Variants in KAZN observed in about 807,000 individuals in gnomAD.
KAZN encodes the protein kazrin, periplakin interacting protein.
In KAZN, 40 loss-of-function variants were observed where a neutral mutation model predicts 87.4. The ratio of observed to expected loss-of-function variants is 0.46; its 90% confidence interval spans 0.36 to 0.60. KAZN has a LOEUF of 0.60. KAZN is among the 20% of genes least tolerant of loss of function. The pLI is 0.00. For missense variants in KAZN, 898 were observed against 1,073.9 expected (o/e 0.84, Z 2.29); for synonymous variants, 466 against 458.3 (o/e 1.02, Z -0.22).
chr1:14,534,988 G>A (rs901947934), intron 2 of KAZN, among the ~76,000 whole-genome samples: 1 of 151,864 alleles, frequency 6.6e-6, no homozygotes, highest in Admixed American at 6.6e-5. Context: ...AACCCTACTC[G>A]TCAAACTAGA....
intron 1 of KAZN, among the ~76,000 whole-genome samples, chr1:14,169,419 G>A (rs1162269164): frequency 2.6e-5 from 4 of 152,092 alleles, no homozygotes; most frequent in Non-Finnish European, 4.4e-5. Flanking sequence ...CATGTTATAT[G>A]TCCAGCCGAT....
chr1:14,097,302 T>A (rs536763533), intron 1 of KAZN, among the ~76,000 whole-genome samples: 2 of 152,316 alleles, frequency 1.3e-5, no homozygotes, highest in South Asian at 4.1e-4. Flanking sequence ...ATTGCAATAG[T>A]CCAGGTGAGA....
At chr1:14,362,221 G>A (rs1007347538) in intron 2 of KAZN, among the ~76,000 whole-genome samples, 1 of 152,158 alleles carries the variant, frequency 6.6e-6, no homozygotes, top group East Asian at 1.9e-4. Context: ...ATTGGGAAAG[G>A]ACTCACTTCT....
chr1:14,261,988 GA>G (rs1263632942), intron 2 of KAZN, among the ~76,000 whole-genome samples: 1 of 152,178 alleles, frequency 6.6e-6, no homozygotes, highest in Non-Finnish European at 1.5e-5. Flanking sequence ...GGGACACATA[GA>G]AGAACCCTGA....
At chr1:14,961,346 G>A (rs552992020) in intron 2 of KAZN, among the ~76,000 whole-genome samples, 15 of 152,302 alleles carry the variant, frequency 9.8e-5, no homozygotes, top group African/African-American at 3.4e-4. Context: ...AAGATGACAT[G>A]GTGTAGTGTC....
At chr1:14,390,887 C>A (rs146966808) in intron 2 of KAZN, 1 of 152,700 alleles carries the variant, frequency 6.5e-6, no homozygotes, top group African/African-American at 2.4e-5. Context: ...CCTGCCACCA[C>A]CATGTTGCCA....
At chr1:14,242,882 TACA>T (rs1649106211) in intron 2 of KAZN, among the ~76,000 whole-genome samples, 1 of 152,004 alleles carries the variant, frequency 6.6e-6, no homozygotes, top group South Asian at 2.1e-4. Flanking sequence ...TCAAAACGAA[TACA>T]ACAAAAACCA....
intron 1 of KAZN, among the ~76,000 whole-genome samples, chr1:14,892,502 A>G (rs1343326945): frequency 1.4e-5 from 2 of 146,846 alleles, no homozygotes; most frequent in East Asian, 4.1e-4. Flanking sequence ...AGACACCACC[A>G]TGGAGCTTCT....
Position 15,076,405 on chromosome 1 carries a change from A to G in KAZN, c.1222+10652A>G, listed in dbSNP as rs576002277. On this transcript the variant is annotated intron_variant, in intron 8 of 14. Coordinates refer to ENST00000376030, the MANE Select transcript of KAZN (RefSeq NM_201628.3). ...CTTCGGAGCTAGATCCTGAGGCTCAATCCCAGCATCGGCACATGCCAGCTG... is the reference window on the plus strand; with the variant it reads ...CTTCGGAGCTAGATCCTGAGGCTCAGTCCCAGCATCGGCACATGCCAGCTG... Among the ~76,000 whole-genome samples, 14 of 152,362 alleles carry G rather than the reference A, an allele frequency of 9.2e-5. No homozygotes were observed. The South Asian group carries it at 2.9e-3, about 32-fold the overall frequency.
At chr1:14,035,833 G>C (rs1641532328) in intron 1 of KAZN, among the ~76,000 whole-genome samples, 1 of 151,956 alleles carries the variant, frequency 6.6e-6, no homozygotes, top group Non-Finnish European at 1.5e-5. Flanking sequence ...CCCTCAACTA[G>C]AGTTTCTGGT....
chr1:14,780,446 T>G (rs901759790), intron 1 of KAZN, among the ~76,000 whole-genome samples: 3 of 152,148 alleles, frequency 2.0e-5, no homozygotes, highest in African/African-American at 7.2e-5. Context: ...ATCTGTTGAG[T>G]GAATGGATGA....
chr1:13,932,721 C>T (rs1434492634), intron 1 of KAZN, among the ~76,000 whole-genome samples: 1 of 152,188 alleles, frequency 6.6e-6, no homozygotes, highest in Non-Finnish European at 1.5e-5. Flanking sequence ...GGCAGTCTGG[C>T]TTGGGCCGGA....
At chr1:14,161,501 T>A (rs1645709204) in intron 1 of KAZN, among the ~76,000 whole-genome samples, 1 of 152,238 alleles carries the variant, frequency 6.6e-6, no homozygotes, top group African/African-American at 2.4e-5. Context: ...GTTGCCGAAG[T>A]CTTCACAACT....
chr1:14,860,281 T>C (rs1650685847), intron 1 of KAZN, among the ~76,000 whole-genome samples: 1 of 151,910 alleles, frequency 6.6e-6, no homozygotes, highest in East Asian at 1.9e-4. Context: ...AACCTCCACC[T>C]CCCAGGTTCA....
intron 2 of KAZN, among the ~76,000 whole-genome samples, chr1:14,459,985 A>C (rs1667775171): frequency 6.6e-6 from 1 of 152,172 alleles, no homozygotes. Flanking sequence ...AGCTTTAGGC[A>C]GGTGATACCG....
At chr1:14,230,766 T>C (rs1213310029) in intron 2 of KAZN, among the ~76,000 whole-genome samples, 1 of 152,180 alleles carries the variant, frequency 6.6e-6, no homozygotes, top group African/African-American at 2.4e-5. Context: ...GCCATATTTT[T>C]TCAGTAAGAA....
chr1:14,947,551 T>G (rs777109916), intron 1 of KAZN, among the ~76,000 whole-genome samples: 1 of 152,236 alleles, frequency 6.6e-6, no homozygotes, highest in African/African-American at 2.4e-5. Flanking sequence ...ACATTTAGTT[T>G]GCGAAGCAGG....
At chr1:14,206,925 G>A (rs1646758042) in intron 2 of KAZN, among the ~76,000 whole-genome samples, 1 of 150,364 alleles carries the variant, frequency 6.7e-6, no homozygotes, top group African/African-American at 2.4e-5. Context: ...AAATGATTCT[G>A]TGCATTTCTA....
intron 2 of KAZN, among the ~76,000 whole-genome samples, chr1:14,185,476 C>T (rs903611156): frequency 6.6e-6 from 1 of 152,166 alleles, no homozygotes; most frequent in Non-Finnish European, 1.5e-5. Context: ...CTGAAATAAT[C>T]CATGTGCTCC....
Sources: gnomAD v4.1 joint callset for allele counts (sites outside exome capture counted in the v4.1 genomes callset) on GRCh38, gnomAD v4.1.1 for gene constraint, MANE v1.5 for transcripts, NCBI Gene and HGNC (gene_info 2026-07-23, HGNC 2026-07-21) for gene names.